ZC2HC1A: variants seen among roughly 807,000 people sequenced by gnomAD.
The protein encoded by ZC2HC1A is zinc finger C2HC-type containing 1A.
Under a neutral mutation model 40.7 loss-of-function variants are expected in ZC2HC1A, and 28 were observed. The ratio of observed to expected loss-of-function variants is 0.69; its 90% confidence interval spans 0.51 to 0.94. The LOEUF (loss-of-function observed/expected upper bound fraction) is 0.94. Ranked by LOEUF, ZC2HC1A falls within the 40% of genes least tolerant of loss-of-function variation. The probability of loss-of-function intolerance (pLI) is 0.00; values close to 1 mark genes in which losing one functional copy is unlikely to be tolerated. For missense variants in ZC2HC1A, 389 were observed against 386.3 expected, an observed-to-expected ratio of 1.01 and a Z score of -0.06; for synonymous variants, 129 against 129.2, an observed-to-expected ratio of 1.00 and a Z score of 0.01.
chr8:78,710,209 T>C (rs1810909808), intron 7 of ZC2HC1A, among the ~76,000 whole-genome samples: 1 of 152,188 alleles, frequency 6.6e-6, no homozygotes, highest in Admixed American at 6.5e-5. Context: ...CAACTTAGAA[T>C]GTAAGTTATT....
At chr8:78,703,847 C>T (rs1563635825) in intron 7 of ZC2HC1A, among the ~76,000 whole-genome samples, 2 of 152,064 alleles carry the variant, frequency 1.3e-5, no homozygotes, top group South Asian at 4.1e-4. Flanking sequence ...ATTTGGCAGA[C>T]TTGTTTATGT....
rs539995457 is a variant in ZC2HC1A at position 78,693,772 on chromosome 8, A to C, written c.505-3635A>C. On this transcript the variant is annotated intron_variant, in intron 5 of 8. Coordinates refer to ENST00000263849, the MANE Select transcript of ZC2HC1A (RefSeq NM_016010.3). ...TTTGTCAATTTTGGCTTTTGTTGCC[A>C]TTGCTTTTGGTGTTTTAGACATGAA... is the stretch of plus-strand genomic sequence containing the variant. Among the ~76,000 whole-genome samples, 133 of 152,248 alleles carry C rather than the reference A, an allele frequency of 8.7e-4. 2 individuals carry two copies. Among genetic ancestry groups the C allele is most frequent in the Non-Finnish European group, 1.7e-3 (115 of 68,016 alleles).
intron 5 of ZC2HC1A, among the ~76,000 whole-genome samples, chr8:78,692,014 C>G (rs1037096034): frequency 1.3e-5 from 2 of 152,196 alleles, no homozygotes; most frequent in Non-Finnish European, 2.9e-5. Context: ...ACTATCACCT[C>G]AAGTACTTAC....
chr8:78,715,426 GA>G, intron 8 of ZC2HC1A, 98 bp downstream of exon 8: 1 of 1,139,392 alleles, frequency 8.8e-7, no homozygotes, highest in Non-Finnish European at 1.2e-6. Context: ...GCTATTTATA[GA>G]AAACCTGATT....
chr8:78,709,428 A>T (rs1360512866), intron 7 of ZC2HC1A, among the ~76,000 whole-genome samples: 1 of 152,108 alleles, frequency 6.6e-6, no homozygotes, highest in Non-Finnish European at 1.5e-5. Flanking sequence ...CTTATCTTTT[A>T]TTGTTGATCT....
intron 5 of ZC2HC1A, 58 bp from the exon 6 acceptor site, chr8:78,697,349 C>T (rs912619962): frequency 1.4e-6 from 2 of 1,392,090 alleles, no homozygotes; most frequent in Admixed American, 2.2e-5. Flanking sequence ...TGAACCACTA[C>T]TTTACAATCC....
intron 4 of ZC2HC1A, among the ~76,000 whole-genome samples, chr8:78,687,912 A>AAG (rs1554591833): frequency 3.5e-5 from 4 of 114,642 alleles, no homozygotes; most frequent in Non-Finnish European, 7.2e-5. Flanking sequence ...TATTTATATA[A>AAG]ATATATAATT....
chr8:78,687,411 T>C (rs1442950823), intron 4 of ZC2HC1A, among the ~76,000 whole-genome samples: 5 of 149,164 alleles, frequency 3.4e-5, no homozygotes, highest in African/African-American at 1.2e-4. Flanking sequence ...AGATTTTATA[T>C]GCCATAAGGT....
intron 5 of ZC2HC1A, among the ~76,000 whole-genome samples, chr8:78,693,759 G>T (rs1810300860): frequency 6.6e-6 from 1 of 152,114 alleles, no homozygotes; most frequent in Non-Finnish European, 1.5e-5. Context: ...TGTCAATTTT[G>T]GCTTTTGTTG....
rs1172954082 is a variant in ZC2HC1A, at chr8:78,716,032, T to TC, written c.812+706dup. On this transcript the variant is annotated intron_variant, in intron 8 of 8. Coordinates refer to ENST00000263849, the MANE Select transcript of ZC2HC1A (RefSeq NM_016010.3). ...TCCAGCCTCAGTGACAGAGCGAGAC[T>TC]CCATCTCAAAAAAAAAAAAAAAAGG... is the stretch of plus-strand genomic sequence containing the variant. Among the ~76,000 whole-genome samples, 4 of 128,120 alleles carry TC rather than the reference T, an allele frequency of 3.1e-5. 1 individual carries two copies. In the East Asian group the frequency reaches 9.4e-4, roughly 30 times the overall value. 84.1% of individuals were successfully genotyped at this position (128,120 alleles called of 152,430 possible). A position where few individuals can be genotyped will look rare whatever the true frequency, so the allele number is the denominator to read the frequency against.
intron 5 of ZC2HC1A, among the ~76,000 whole-genome samples, chr8:78,692,151 T>C (rs1170436678): frequency 1.3e-5 from 2 of 152,164 alleles, no homozygotes; most frequent in Non-Finnish European, 2.9e-5. Context: ...CAACAAAAAC[T>C]TACCCCTTTG....
chr8:78,714,603 C>T (rs962163864), intron 7 of ZC2HC1A, among the ~76,000 whole-genome samples: 1 of 152,144 alleles, frequency 6.6e-6, no homozygotes, highest in Admixed American at 6.5e-5. Context: ...ATTTAGTTTT[C>T]TAACCCTTCT....
At chr8:78,705,230 G>A (rs1810733591) in intron 7 of ZC2HC1A, among the ~76,000 whole-genome samples, 1 of 152,190 alleles carries the variant, frequency 6.6e-6, no homozygotes, top group African/African-American at 2.4e-5. Context: ...TACTTGTGCT[G>A]ATTCTTTCTC....
intron 2 of ZC2HC1A, among the ~76,000 whole-genome samples, chr8:78,677,273 T>C (rs1809611266): frequency 6.6e-6 from 1 of 151,982 alleles, no homozygotes; most frequent in South Asian, 2.1e-4. Context: ...CCAGTTGGCT[T>C]ATTGGAGGTC....
intron 7 of ZC2HC1A, among the ~76,000 whole-genome samples, chr8:78,700,054 G>A (rs1436824439): frequency 1.3e-5 from 2 of 152,096 alleles, no homozygotes; most frequent in African/African-American, 2.4e-5. Context: ...GTCTTTCACA[G>A]TGGCTGAAGT....
rs552136278 is a variant in ZC2HC1A at position 78,692,727 on chromosome 8, TG to T, written c.504+3355del. On this transcript the variant is annotated intron_variant, in intron 5 of 8. Transcript: ENST00000263849. ...CCCCTCCAACATTGAGCTTCTAATT[TG>T]TTTTTTTTATTATTAGTAGTATACT... 5.9e-5 allele frequency among the ~76,000 whole-genome samples: 9 copies of T among 152,216 alleles called. No homozygotes were observed. In the East Asian group the frequency reaches 7.7e-4, roughly 13 times the overall value.
At chr8:78,687,081 A>G (rs1157445954) in intron 4 of ZC2HC1A, among the ~76,000 whole-genome samples, 1 of 152,058 alleles carries the variant, frequency 6.6e-6, no homozygotes, top group Non-Finnish European at 1.5e-5. Flanking sequence ...TATATTGTTA[A>G]ATTTTTTCTC....
chr8:78,683,514 C>T (rs1416939194), intron 3 of ZC2HC1A, among the ~76,000 whole-genome samples: 2 of 152,180 alleles, frequency 1.3e-5, no homozygotes, highest in African/African-American at 2.4e-5. Flanking sequence ...GCAGCTGGGA[C>T]GCAGGGCACC....
At chr8:78,676,045 G>A in intron 2 of ZC2HC1A, 182 bp downstream of exon 2, 2 of 421,414 alleles carry the variant, frequency 4.7e-6, no homozygotes, top group Non-Finnish European at 4.1e-6. Context: ...CTTTCCTTCA[G>A]AGTTTGGTCT....
Sources: gnomAD v4.1 joint callset for allele counts (sites outside exome capture counted in the v4.1 genomes callset) on GRCh38, gnomAD v4.1.1 for gene constraint, MANE v1.5 for transcripts, NCBI Gene and HGNC (gene_info 2026-07-23, HGNC 2026-07-21) for gene names.